Variants in SDCCAG8 observed in about 807,000 individuals in gnomAD.
The protein encoded by SDCCAG8 is SHH signaling and ciliogenesis regulator SDCCAG8.
Under a neutral mutation model 101.8 loss-of-function variants are expected in SDCCAG8, and 74 were observed. That is an observed-to-expected ratio of 0.73 (90% confidence interval 0.60 to 0.88). The LOEUF is 0.88. Ranked by LOEUF, SDCCAG8 falls within the 40% of genes least tolerant of loss-of-function variation. The probability of loss-of-function intolerance (pLI) is 0.00; values close to 1 mark genes in which losing one functional copy is unlikely to be tolerated. For missense variants in SDCCAG8, 787 were observed against 822.6 expected (o/e 0.96, Z 0.53); for synonymous variants, 281 against 292.9 (o/e 0.96, Z 0.41).
chr1:243,487,140 AG>A (rs1246770398), intron 16 of SDCCAG8, among the ~76,000 whole-genome samples: 1 of 152,238 alleles, frequency 6.6e-6, no homozygotes, highest in African/African-American at 2.4e-5. Context: ...GCCCCACAGC[AG>A]GGCAGGTGCT....
rs559011950 is a variant in SDCCAG8, at chr1:243,451,067, A to T, written c.1985+24509A>T. ...GGGAAATAGGGTAAAAGTAGTATAC[A>T]TTATTTCATCTTTTGCATACACAGA... On this transcript the variant is annotated intron_variant, in intron 16 of 17. Transcript: ENST00000366541. 4.6e-5 allele frequency among the ~76,000 whole-genome samples: 7 copies of T among 152,396 alleles called. No homozygotes were observed. The South Asian group carries it at 1.0e-3, about 23-fold the overall frequency.
intron 13 of SDCCAG8, among the ~76,000 whole-genome samples, chr1:243,391,876 GGGC>G (rs1194872287): frequency 6.6e-6 from 1 of 152,206 alleles, no homozygotes; most frequent in Non-Finnish European, 1.5e-5. Context: ...GAGTGGGTTT[GGGC>G]AGTGGTTTGG....
intron 16 of SDCCAG8, among the ~76,000 whole-genome samples, chr1:243,448,703 A>G (rs926165530): frequency 6.6e-6 from 1 of 151,374 alleles, no homozygotes; most frequent in African/African-American, 2.4e-5. Flanking sequence ...TCAAATGTAC[A>G]GGACATTATA....
chr1:243,315,008 C>A (rs574559366), intron 8 of SDCCAG8, among the ~76,000 whole-genome samples: 1 of 152,290 alleles, frequency 6.6e-6, no homozygotes, highest in East Asian at 1.9e-4. Flanking sequence ...CTGCGCCTGG[C>A]CTTTTTTGTT....
At chr1:243,407,956 C>T (rs1184469214) in intron 13 of SDCCAG8, among the ~76,000 whole-genome samples, 1 of 152,162 alleles carries the variant, frequency 6.6e-6, no homozygotes, top group Non-Finnish European at 1.5e-5. Flanking sequence ...AATACAGCCC[C>T]TGTTAGCTGT....
At chr1:243,397,754 T>C (rs893200240) in intron 13 of SDCCAG8, among the ~76,000 whole-genome samples, 1 of 152,262 alleles carries the variant, frequency 6.6e-6, no homozygotes, top group Admixed American at 6.5e-5. Flanking sequence ...CTGATTTTCA[T>C]TGACTTTCAG....
chr1:243,379,019 C>A (rs1246415354), intron 13 of SDCCAG8, among the ~76,000 whole-genome samples, 156 bp downstream of exon 13: 1 of 152,120 alleles, frequency 6.6e-6, no homozygotes, highest in Non-Finnish European at 1.5e-5. Flanking sequence ...AAGCAAAACA[C>A]CCAGACATGT....
At chr1:243,359,003 G>T (rs546739943) in intron 12 of SDCCAG8, among the ~76,000 whole-genome samples, 1 of 152,292 alleles carries the variant, frequency 6.6e-6, no homozygotes, top group South Asian at 2.1e-4. Context: ...TTCTTTTGGG[G>T]TGATAAAATG....
At chr1:243,486,225 A>G (rs1014107498) in intron 16 of SDCCAG8, among the ~76,000 whole-genome samples, 1 of 151,986 alleles carries the variant, frequency 6.6e-6, no homozygotes, top group African/African-American at 2.4e-5. Context: ...AAAAAAAAAA[A>G]AAAAATCTCT....
chr1:243,450,832 T>C (rs1212771043), intron 16 of SDCCAG8, among the ~76,000 whole-genome samples: 1 of 152,164 alleles, frequency 6.6e-6, no homozygotes, highest in East Asian at 1.9e-4. Context: ...CTAATATTTG[T>C]ATTTTTAGTA....
At chr1:243,336,334 G>T (rs1573389964) in intron 10 of SDCCAG8, among the ~76,000 whole-genome samples, 1 of 152,148 alleles carries the variant, frequency 6.6e-6, no homozygotes, top group Non-Finnish European at 1.5e-5. Context: ...TGTGAAATGG[G>T]ATCTCATTGT....
At chr1:243,271,720 T>G (rs1349327887) in intron 3 of SDCCAG8, among the ~76,000 whole-genome samples, 1 of 151,972 alleles carries the variant, frequency 6.6e-6, no homozygotes. Context: ...TTTTTTGTAT[T>G]TTTAGTAGAG....
intron 8 of SDCCAG8, among the ~76,000 whole-genome samples, chr1:243,314,317 T>C (rs2073043228): frequency 3.9e-5 from 6 of 152,212 alleles, no homozygotes; most frequent in Admixed American, 3.3e-4. Flanking sequence ...ATCTGTATAT[T>C]GGAGTTTTAT....
At chr1:243,475,861 C>G (rs1662309453) in intron 16 of SDCCAG8, 7 of 809,318 alleles carry the variant, frequency 8.6e-6, no homozygotes, top group South Asian at 5.6e-5. Context: ...TCTCTTGCCA[C>G]TCCTCAAAAA....
Position 243,270,194 on chromosome 1 carries a change from A to G in SDCCAG8, c.157A>G (p.Ser53Gly). Residue 53 changes from serine (S) to glycine (G), a missense_variant, in exon 2 of 18, where the codon AGC (serine) becomes GGC (glycine). Coordinates refer to ENST00000366541, the MANE Select transcript of SDCCAG8 (RefSeq NM_006642.5). ...IGEDAPNLSF[S>G]TSVGNEDART... ...AGAAGATGCACCAAATCTTTCTTTT[A>G]GCACCAGTGTGGGAAATGAGGACGC... The G allele has an allele frequency of 6.2e-7, 1 of 1,614,202 alleles. No homozygotes were observed. Among genetic ancestry groups the G allele is most frequent in the Non-Finnish European group, 8.5e-7 (1 of 1,180,036 alleles).
At chr1:243,444,372 T>G (rs990548708) in intron 16 of SDCCAG8, among the ~76,000 whole-genome samples, 5 of 151,860 alleles carry the variant, frequency 3.3e-5, no homozygotes, top group African/African-American at 9.7e-5. Context: ...TTTGTTTGTT[T>G]GTTTTGTTTT....
chr1:243,476,094 C>T, intron 16 of SDCCAG8: 1 of 985,468 alleles, frequency 1.0e-6, no homozygotes, highest in Non-Finnish European at 1.2e-6. Flanking sequence ...GGAGGACCCC[C>T]TTTTACTGAA....
At position 243,283,802 on chromosome 1, in the gene SDCCAG8, G is replaced by A. The variant is rs538993593; in HGVS notation, c.421-2470G>A. Among the ~76,000 whole-genome samples the A allele has an allele frequency of 4.1e-4, 63 of 152,222 alleles. 1 individual carries two copies. Among genetic ancestry groups the A allele is most frequent in the African/African-American group, 1.2e-3 (51 of 41,538 alleles). The stretch of plus-strand genomic sequence containing the variant: ...GTTGCCCAGGCTCAAGTGCAGTGGC[G>A]TGATCTTGGCTCACTGCAACCTCTG... On this transcript the variant is annotated intron_variant, in intron 4 of 17. Transcript: ENST00000366541.
intron 9 of SDCCAG8, among the ~76,000 whole-genome samples, chr1:243,320,454 T>A (rs1051757828): frequency 1.3e-5 from 2 of 152,184 alleles, no homozygotes; most frequent in Non-Finnish European, 2.9e-5. Flanking sequence ...TGTCCTAATG[T>A]GGCTCCCTTT....
Sources: allele counts gnomAD v4.1 joint callset (sites outside exome capture counted in the v4.1 genomes callset), GRCh38; gene constraint gnomAD v4.1.1; transcripts MANE v1.5; gene names NCBI Gene and HGNC (gene_info 2026-07-23, HGNC 2026-07-21).